The following ARID1A variants were observed in gnomAD, a reference collection of about 807,000 sequenced individuals.
The protein encoded by ARID1A is AT-rich interactive domain-containing protein 1A.
Under a neutral mutation model 212.6 loss-of-function variants are expected in ARID1A, and 20 were observed. That is an observed-to-expected ratio of 0.09 (90% CI 0.07 to 0.14). The LOEUF (loss-of-function observed/expected upper bound fraction) is 0.14, where lower values mean the gene tolerates loss of function less well. ARID1A is among the 10% of genes least tolerant of loss of function. The pLI is 1.00. For synonymous variants in ARID1A, 1,376 were observed against 1,222.1 expected, an observed-to-expected ratio of 1.13 and a Z score of -2.63; for missense variants, 2,587 against 3,059.0, an observed-to-expected ratio of 0.85 and a Z score of 3.64.
chr1:26,698,948 T>A (rs1173762178), intron 1 of ARID1A, among the ~76,000 whole-genome samples: 1 of 152,228 alleles, frequency 6.6e-6, no homozygotes. Context: ...TGAATCTTGT[T>A]AACACTTTCT....
At chr1:26,732,887 C>A in intron 4 of ARID1A, 95 bp downstream of exon 4, 1 of 1,065,638 alleles carries the variant, frequency 9.4e-7, no homozygotes, top group Non-Finnish European at 1.4e-6. Context: ...CTAATTTTGA[C>A]CTAAATGAAT....
At chr1:26,725,409 G>A (rs2080606626) in intron 1 of ARID1A, among the ~76,000 whole-genome samples, 1 of 152,130 alleles carries the variant, frequency 6.6e-6, no homozygotes, top group South Asian at 2.1e-4. Context: ...GGTTTTAAAT[G>A]TCATAAGTGT....
In ARID1A at chr1:26,781,599, G is replaced by A. The variant is rs1388199644; in HGVS notation, c.*843G>A. The A allele has an allele frequency of 2.1e-5, 5 of 233,458 alleles. No homozygotes were observed. Among genetic ancestry groups the A allele is most frequent in the African/African-American group, 4.4e-5 (2 of 45,306 alleles). The allele number at this position is 233,458 out of a possible 1,614,324, so 14.5% of individuals were successfully genotyped here. A position where few individuals can be genotyped will look rare whatever the true frequency, so the allele number is the denominator to read the frequency against. On this transcript the variant is annotated 3_prime_UTR_variant, in exon 20 of 20. Transcript: ENST00000324856. ...TTTAACCTTTAGCTGCAGCGGCTAC[G>A]CTGCCACGTGTGTATATATATGACG...
At position 26,780,689 on chromosome 1, in the gene ARID1A, C is replaced by T. The variant is rs1308037041; in HGVS notation, c.6791C>T (p.Ser2264Leu). Residue 2264 changes from serine to leucine, a missense_variant, in exon 20 of 20, where the codon TCA becomes TTA. Coordinates refer to ENST00000324856, the MANE Select transcript of ARID1A (RefSeq NM_006015.6). The surrounding 1 kb of genome is among the most constrained non-coding windows in gnomAD (Gnocchi z 7.2). ...YESRLLDISVSPLMNSLVSQV... is the reference protein window; with the variant it reads ...YESRLLDISVLPLMNSLVSQV... ...TCACGGCTGTTGGACATCTCGGTATCACCGTTGATGAACTCATTGGTTTCA... is the reference window on the plus strand; with the variant it reads ...TCACGGCTGTTGGACATCTCGGTATTACCGTTGATGAACTCATTGGTTTCA... 6.2e-7 allele frequency: 1 copy of T among 1,601,936 alleles called. No individual in the cohort carries two copies. The highest frequency in any genetic ancestry group is 1.7e-5 in the Admixed American group (1 of 59,960).
intron 1 of ARID1A, among the ~76,000 whole-genome samples, chr1:26,713,347 T>A (rs184922498): frequency 2.0e-5 from 3 of 152,114 alleles, no homozygotes; most frequent in African/African-American, 7.2e-5. Context: ...CTAACATCAT[T>A]TTGGTGAAGA....
Position 26,780,510 on chromosome 1 carries a change from C to T in ARID1A, c.6612C>T (p.Ala2204=), listed in dbSNP as rs752465350. ...TGGGCTTCCTAGAGGACAGCCTTGC[C>T]GCCACACAGTTCCAGCAGAGCCAGG... The part of the protein sequence containing the change: ...NLLGFLEDSL[A]ATQFQQSQAS... Residue 2204 remains alanine (A), a synonymous_variant, in exon 20 of 20, where the codon GCC becomes GCT. Coordinates refer to ENST00000324856, the MANE Select transcript of ARID1A (RefSeq NM_006015.6). This position sits in a 1 kb window ranked among gnomAD's most constrained non-coding sequence, Gnocchi z 7.2. 25 of 1,614,072 alleles carry T rather than the reference C, an allele frequency of 1.5e-5. No homozygotes were observed. The highest frequency in any genetic ancestry group is 5.5e-5 in the South Asian group (5 of 91,086).
In ARID1A at chr1:26,779,060, G is replaced by A. The variant is rs2081164294; in HGVS notation, c.5162G>A (p.Arg1721Gln). ...GLLELLVEYF[R>Q]RCLIEIFGIL... ...CTAGAGCTCCTTGTAGAATATTTCC[G>A]ACGATGCCTGATTGAGATCTTTGGC... Residue 1721 changes from arginine to glutamine, a missense_variant, in exon 20 of 20, where the codon CGA (arginine) becomes CAA (glutamine). Physicochemically the swap from Arg to Gln is conservative, Grantham distance 43. Coordinates refer to ENST00000324856, the MANE Select transcript of ARID1A (RefSeq NM_006015.6). 2 of 1,508,832 alleles carry A rather than the reference G, an allele frequency of 1.3e-6. No individual in the cohort carries two copies. The highest frequency in any genetic ancestry group is 1.8e-6 in the Non-Finnish European group (2 of 1,128,258). The allele number at this position is 1,508,832 out of a possible 1,614,324, so 93.5% of individuals were successfully genotyped here.
rs968401390 is a variant in ARID1A, at chr1:26,752,001, C to G, written c.1921-8855C>G. On this transcript the variant is annotated intron_variant, in intron 4 of 19. Coordinates refer to ENST00000324856, the MANE Select transcript of ARID1A (RefSeq NM_006015.6). ...ATGCAATGGTTTCTAAGATACAAACCAAGTTTTTGGAAACTTGACGGGGGC... is the reference window on the plus strand; with the variant it reads ...ATGCAATGGTTTCTAAGATACAAACGAAGTTTTTGGAAACTTGACGGGGGC... Among the ~76,000 whole-genome samples, 204 of 152,234 alleles carry G rather than the reference C, an allele frequency of 1.3e-3. 1 individual carries two copies. Among genetic ancestry groups the G allele is most frequent in the Non-Finnish European group, 4.9e-4 (33 of 68,012 alleles).
chr1:26,706,852 C>T (rs1021773259), intron 1 of ARID1A, among the ~76,000 whole-genome samples: 2 of 152,124 alleles, frequency 1.3e-5, no homozygotes, highest in African/African-American at 4.8e-5. Context: ...GTTGATCTAG[C>T]GTTATGTGAA....
chr1:26,772,818 C>G lies in ARID1A; in HGVS notation c.3546C>G (p.Ser1182Arg), dbSNP rs138311127. 5 of 1,613,606 alleles carry G rather than the reference C, an allele frequency of 3.1e-6. No individual in the cohort carries two copies. Among genetic ancestry groups the G allele is most frequent in the Non-Finnish European group, 4.2e-6 (5 of 1,179,670 alleles). ...QIPPLPGMSR[S>R]NSVGIQDAFN... is the part of the protein sequence containing the mutation. ...GGTTTTCCTCACTCTGGAGCAGGAG[C>G]AATTCAGTTGGGATCCAGGATGCCT... Residue 1182 changes from serine (S) to arginine (R), a missense_variant, in exon 14 of 20, where the codon AGC becomes AGG. Ser to Arg is a moderately radical substitution (Grantham distance 110). Around this residue, in one of 11 missense-constraint regions of ARID1A, gnomAD observed 890 missense variants for 1,098.2 expected, o/e 0.81. Coordinates refer to ENST00000324856, the MANE Select transcript of ARID1A (RefSeq NM_006015.6).
chr1:26,778,842 C>CT (rs2081162154), intron 19 of ARID1A, 181 bp from the exon 20 acceptor site: 2 of 549,940 alleles, frequency 3.6e-6, no homozygotes, highest in South Asian at 1.0e-4. Context: ...GAAGAAAGAA[C>CT]TTTGTGTTGG....
At chr1:26,730,094 C>T (rs971226193) in intron 2 of ARID1A, among the ~76,000 whole-genome samples, 2 of 152,182 alleles carry the variant, frequency 1.3e-5, no homozygotes, top group African/African-American at 2.4e-5. Flanking sequence ...CTCTTTTTCT[C>T]TTGACCTGAC....
Position 26,779,878 on chromosome 1 carries a change from G to T in ARID1A, c.5980G>T (p.Val1994Leu), listed in dbSNP as rs1182546915. 6.2e-7 allele frequency: 1 copy of T among 1,614,130 alleles called. No individual in the cohort carries two copies. The highest frequency in any genetic ancestry group is 1.1e-5 in the South Asian group (1 of 91,086). ...VSNTIRSLSF[V>L]PGNDFEMSKH... is the part of the protein sequence containing the mutation. ...CAATACCATTCGAAGCCTGTCATTT[G>T]TGCCAGGCAATGACTTTGAGATGTC... The change falls in exon 20 of 20, where the codon GTG becomes TTG. Residue 1994 changes from valine (V) to leucine (L), a missense_variant. Physicochemically the swap from Val to Leu is conservative, Grantham distance 32. Coordinates refer to ENST00000324856, the MANE Select transcript of ARID1A (RefSeq NM_006015.6).
chr1:26,748,298 C>G (rs1276188456), intron 4 of ARID1A, among the ~76,000 whole-genome samples: 3 of 152,054 alleles, frequency 2.0e-5, no homozygotes, highest in Non-Finnish European at 2.9e-5. Context: ...GGCAACACCC[C>G]CTCCTTATTA....
chr1:26,725,809 A>G (rs1400101197), intron 1 of ARID1A, among the ~76,000 whole-genome samples: 1 of 149,200 alleles, frequency 6.7e-6, no homozygotes, highest in Non-Finnish European at 1.5e-5. Flanking sequence ...AGCAGTGTAT[A>G]TGAGGATGCC....
In ARID1A at chr1:26,781,000, T is replaced by C. The variant is rs1307887735; in HGVS notation, c.*244T>C. ...CTCCCCTCAGGACCCTACCCCACCC[T>C]CTTTGAAAAGACAAAGCTCTGCCTA... is the stretch of plus-strand genomic sequence containing the variant. On this transcript the variant is annotated 3_prime_UTR_variant, in exon 20 of 20. Transcript: ENST00000324856. The surrounding 1 kb of genome is among the most constrained non-coding windows in gnomAD (Gnocchi z 7.2). 3 of 420,026 alleles carry C rather than the reference T, an allele frequency of 7.1e-6. No individual in the cohort carries two copies. The highest frequency in any genetic ancestry group is 1.2e-5 in the Non-Finnish European group (3 of 240,870). 26.0% of individuals were successfully genotyped at this position (420,026 alleles called of 1,614,324 possible). A position where few individuals can be genotyped will look rare whatever the true frequency, so the allele number is the denominator to read the frequency against.
At position 26,779,130 on chromosome 1, in the gene ARID1A, A is replaced by C. The variant is rs2124137337; in HGVS notation, c.5232A>C (p.Leu1744=). ...TGGGTGACCCAGGACAGAGAACGCT[A>C]CTGGATCCTGGGAGGTTCAGCAAGG... The part of the protein sequence containing the change: ...YEVGDPGQRT[L]LDPGRFSKVS... Residue 1744 remains leucine, a synonymous_variant, in exon 20 of 20, where the codon CTA becomes CTC. Coordinates refer to ENST00000324856, the MANE Select transcript of ARID1A (RefSeq NM_006015.6). The C allele has an allele frequency of 6.3e-7, 1 of 1,581,002 alleles. No homozygotes were observed. Among genetic ancestry groups the C allele is most frequent in the Non-Finnish European group, 8.6e-7 (1 of 1,162,418 alleles).
At chr1:26,714,445 G>A (rs945254294) in intron 1 of ARID1A, among the ~76,000 whole-genome samples, 17 of 152,104 alleles carry the variant, frequency 1.1e-4, no homozygotes, top group Non-Finnish European at 1.9e-4. Flanking sequence ...ACGGAATCTC[G>A]TTCGGTTGCC....
At chr1:26,697,915 T>G (rs2080293181) in intron 1 of ARID1A, among the ~76,000 whole-genome samples, 1 of 150,918 alleles carries the variant, frequency 6.6e-6, no homozygotes, top group Non-Finnish European at 1.5e-5. Flanking sequence ...AGCCCAGGAG[T>G]TGAATGAACG....
Sources: allele counts gnomAD v4.1 joint callset (sites outside exome capture counted in the v4.1 genomes callset), GRCh38; gene constraint gnomAD v4.1.1; regional missense constraint gnomAD v4.1.1; non-coding constraint Gnocchi (gnomAD v3.1); transcripts MANE v1.5; gene names NCBI Gene and HGNC (gene_info 2026-07-23, HGNC 2026-07-21).